The following DLC1 variants were observed in gnomAD, a reference collection of about 807,000 sequenced individuals.
DLC1 encodes DLC1 Rho GTPase activating protein, also known as rho GTPase-activating protein 7.
A neutral mutation model predicts 140.3 loss-of-function variants in DLC1; 54 were observed. The observed-to-expected ratio is 0.38, with a 90% CI of 0.31 to 0.48. The LOEUF is 0.48. DLC1 is among the 20% of genes least tolerant of loss of function. DLC1 has a pLI of 0.96. For synonymous variants in DLC1, 986 were observed against 728.1 expected (o/e 1.35, Z -5.70); for missense variants, 2,536 against 1,907.0 (o/e 1.33, Z -6.14).
In DLC1 at chr8:13,553,203, C is replaced by CATATAT. The variant is rs1201746846; in HGVS notation, c.-126+51328_-126+51333dup. Among the ~76,000 whole-genome samples the CATATAT allele has an allele frequency of 7.0e-3, 474 of 67,942 alleles. 42 individuals carry two copies. The highest frequency in any genetic ancestry group is 0.012 in the East Asian group (14 of 1,122). The allele number at this position is 67,942 out of a possible 152,430, so 44.6% of individuals were successfully genotyped here. A position where few individuals can be genotyped will look rare whatever the true frequency, so the allele number is the denominator to read the frequency against. On this transcript the variant is annotated intron_variant, in intron 1 of 1. Coordinates refer to the DLC1 transcript ENST00000631382. ...ATATTGACAAATACCTGCCAGCTGT[C>CATATAT]ATATATATATATATATATATATATG...
At chr8:13,326,789 G>A (rs882243) in intron 4 of DLC1, among the ~76,000 whole-genome samples, 128,798 of 152,114 alleles carry the variant, frequency 0.85, 55,096 homozygotes, top group East Asian at 0.95. Context: ...ATTTTCTTCA[G>A]GTTCTCAGGC....
chr8:13,566,929 CG>C, intron 1 of DLC1: 2 of 1,466,430 alleles, frequency 1.4e-6, no homozygotes, highest in Non-Finnish European at 1.8e-6. Context: ...CAGCTCCTGA[CG>C]GGTTCCTGAG....
Position 13,393,683 on chromosome 8 carries a change from G to C in DLC1, c.1184C>G (p.Ser395Ter). The stretch of plus-strand genomic sequence containing the variant: ...GGTATCTGCTCCACTTTCAGATCCT[G>C]ATTCCAGATCCTATTAAAAAACAAA... ...NLRRHVPDLE[S>*]GSESGADTIS... The change falls in exon 4 of 18, where the codon TCA becomes TGA. Residue 395 changes from serine (S) to a stop codon, truncating the protein, a stop_gained. Transcript: ENST00000276297. LOFTEE classifies it high-confidence loss of function. 1 of 1,613,476 alleles carries C rather than the reference G, an allele frequency of 6.2e-7. No homozygotes were observed. Among genetic ancestry groups the C allele is most frequent in the Non-Finnish European group, 8.5e-7 (1 of 1,179,770 alleles).
intron 5 of DLC1, among the ~76,000 whole-genome samples, chr8:13,259,649 C>T (rs1301974027): frequency 1.3e-5 from 2 of 151,862 alleles, no homozygotes; most frequent in Non-Finnish European, 2.9e-5. Context: ...AGGCTTGGTT[C>T]TTCTGAGAAA....
At chr8:13,238,516 A>AAAAG (rs568482344) in intron 5 of DLC1, among the ~76,000 whole-genome samples, 1 of 151,276 alleles carries the variant, frequency 6.6e-6, no homozygotes, top group Non-Finnish European at 1.5e-5. Context: ...CTGTCTCAAA[A>AAAAG]AAAGAAAGAA....
At chr8:13,359,743 T>C (rs1046161037) in intron 4 of DLC1, among the ~76,000 whole-genome samples, 4 of 152,166 alleles carry the variant, frequency 2.6e-5, no homozygotes, top group Non-Finnish European at 5.9e-5. Context: ...TAAAATGATA[T>C]AAAATAAAAT....
At chr8:13,197,171 T>C (rs1585890669) in intron 5 of DLC1, among the ~76,000 whole-genome samples, 5 of 152,278 alleles carry the variant, frequency 3.3e-5, no homozygotes, top group East Asian at 3.9e-4. Context: ...TAACATGTCA[T>C]TGAATGATCT....
At chr8:13,463,752 G>A (rs761365452) in intron 2 of DLC1, among the ~76,000 whole-genome samples, 26 of 152,000 alleles carry the variant, frequency 1.7e-4, no homozygotes, top group Non-Finnish European at 2.4e-4. Context: ...ACTTTTTGCC[G>A]GATTCCCAGG....
At chr8:13,257,489 T>A (rs997225397) in intron 5 of DLC1, among the ~76,000 whole-genome samples, 5 of 149,486 alleles carry the variant, frequency 3.3e-5, no homozygotes, top group Non-Finnish European at 7.4e-5. Context: ...ATTGAACAAG[T>A]GAATATCACT....
chr8:13,429,991 A>G (rs868455088), intron 2 of DLC1, among the ~76,000 whole-genome samples: 9 of 152,354 alleles, frequency 5.9e-5, no homozygotes, highest in Middle Eastern at 3.4e-3. Context: ...ATGACTAAAC[A>G]TTAGATTCAC....
chr8:13,571,521 C>G (rs764101218), intron 1 of DLC1, among the ~76,000 whole-genome samples: 4 of 152,190 alleles, frequency 2.6e-5, no homozygotes, highest in Non-Finnish European at 4.4e-5. Context: ...TAGCATGTAT[C>G]AGAACCTCAT....
intron 5 of DLC1, among the ~76,000 whole-genome samples, chr8:13,139,988 A>G (rs1241214485): frequency 6.6e-6 from 1 of 152,182 alleles, no homozygotes; most frequent in Non-Finnish European, 1.5e-5. Flanking sequence ...TTGTGTGACG[A>G]TCACCGTTAT....
chr8:13,359,244 C>CT (rs145052135), intron 4 of DLC1, among the ~76,000 whole-genome samples: 7 of 152,042 alleles, frequency 4.6e-5, no homozygotes, highest in African/African-American at 1.4e-4. Context: ...ATCCTACAAA[C>CT]TTTTTTTTCT....
intron 1 of DLC1, among the ~76,000 whole-genome samples, chr8:13,572,012 A>C (rs1333140879): frequency 6.6e-6 from 1 of 152,118 alleles, no homozygotes; most frequent in Non-Finnish European, 1.5e-5. Context: ...CTCATTTAGC[A>C]AAATGTCTAT....
Position 13,279,271 on chromosome 8 carries a change from T to C in DLC1, c.1348+25998A>G, listed in dbSNP as rs548317559. Among the ~76,000 whole-genome samples the C allele has an allele frequency of 2.6e-4, 39 of 152,308 alleles. No individual in the cohort carries two copies. The South Asian group carries it at 7.9e-3, about 31-fold the overall frequency. On this transcript the variant is annotated intron_variant, in intron 5 of 17. Coordinates refer to ENST00000276297, the MANE Select transcript of DLC1 (RefSeq NM_182643.3). ...TGTTTAACAGTAGAGCACTCAGGTC[T>C]AATCACCAAAGTGTTATAAAACAAC...
At chr8:13,220,665 C>T (rs1040144970) in intron 5 of DLC1, among the ~76,000 whole-genome samples, 3 of 152,076 alleles carry the variant, frequency 2.0e-5, no homozygotes, top group Non-Finnish European at 2.9e-5. Context: ...ACAAATACTG[C>T]GTTACTGTGG....
chr8:13,157,284 A>C (rs762880694), intron 5 of DLC1, among the ~76,000 whole-genome samples: 45 of 152,218 alleles, frequency 3.0e-4, no homozygotes, highest in Non-Finnish European at 6.2e-4. Flanking sequence ...GAAAAAAAAG[A>C]ATACGTGCAA....
intron 2 of DLC1, among the ~76,000 whole-genome samples, chr8:13,405,009 GATAA>G (rs1042901243): frequency 6.6e-6 from 1 of 151,300 alleles, no homozygotes; most frequent in African/African-American, 2.4e-5. Flanking sequence ...CTCCATCTCA[GATAA>G]ATAAATAAAT....
At chr8:13,435,804 A>T (rs931281878) in intron 2 of DLC1, among the ~76,000 whole-genome samples, 7 of 152,202 alleles carry the variant, frequency 4.6e-5, no homozygotes, top group Admixed American at 1.3e-4. Context: ...AATGCTGTCA[A>T]ACAGCACTGC....
Sources: gnomAD v4.1 joint callset for allele counts (sites outside exome capture counted in the v4.1 genomes callset) on GRCh38, gnomAD v4.1.1 for gene constraint, MANE v1.5 for transcripts, NCBI Gene and HGNC (gene_info 2026-07-23, HGNC 2026-07-21) for gene names.